The following RORA variants were observed in gnomAD, a reference collection of about 807,000 sequenced individuals.
The protein encoded by RORA is nuclear receptor ROR-alpha.
RORA carries 7 observed loss-of-function variants against 69.5 expected under a neutral mutation model. That is an observed-to-expected ratio of 0.10 (90% confidence interval 0.06 to 0.19). The LOEUF (loss-of-function observed/expected upper bound fraction) is 0.19. Ranked by LOEUF, RORA falls within the 10% of genes least tolerant of loss-of-function variation. The pLI is 1.00. For missense variants in RORA, 457 were observed against 663.0 expected (o/e 0.69, Z 3.41); for synonymous variants, 261 against 240.8 (o/e 1.08, Z -0.78).
At chr15:60,945,366 C>T (rs150790932) in intron 1 of RORA, among the ~76,000 whole-genome samples, 6 of 152,244 alleles carry the variant, frequency 3.9e-5, no homozygotes, top group Non-Finnish European at 8.8e-5. Flanking sequence ...GCAAGTGGTG[C>T]CAACTGGCCA....
intron 1 of RORA, among the ~76,000 whole-genome samples, chr15:60,944,232 G>A (rs1245514173): frequency 6.6e-6 from 1 of 152,122 alleles, no homozygotes; most frequent in Non-Finnish European, 1.5e-5. Context: ...TGATGTAACT[G>A]GTCTGAGATG....
chr15:60,525,566 T>G (rs1367841827), intron 3 of RORA, among the ~76,000 whole-genome samples: 1 of 152,256 alleles, frequency 6.6e-6, no homozygotes, highest in African/African-American at 2.4e-5. Flanking sequence ...CCTTGCTGAA[T>G]TCTAATGGCA....
intron 1 of RORA, among the ~76,000 whole-genome samples, chr15:61,048,998 T>C (rs16943568): frequency 0.017 from 2,637 of 152,292 alleles, 72 homozygotes; most frequent in African/African-American, 0.059. Context: ...CTTTAAAAAC[T>C]GAGGCAGTGG....
intron 2 of RORA, among the ~76,000 whole-genome samples, chr15:60,597,012 AT>A (rs2068680844): frequency 6.6e-6 from 1 of 152,148 alleles, no homozygotes. Context: ...AAGGTCACAA[AT>A]CAGCTGACCT....
rs55731630 is a variant in RORA at position 60,562,435 on chromosome 15, G to T, written c.197-30584C>A. On this transcript the variant is annotated intron_variant, in intron 2 of 10. Transcript: ENST00000335670. ...ATTTTTTTTTTGAGGCGGGGTTGGGGGGGGGTTGCTTTTGTTTTGAGACAG... is the reference window on the plus strand; with the variant it reads ...ATTTTTTTTTTGAGGCGGGGTTGGGTGGGGGTTGCTTTTGTTTTGAGACAG... 1.4e-3 allele frequency among the ~76,000 whole-genome samples: 209 copies of T among 148,270 alleles called. 1 individual carries two copies. The highest frequency in any genetic ancestry group is 2.5e-3 in the Non-Finnish European group (165 of 66,860).
intron 2 of RORA, among the ~76,000 whole-genome samples, chr15:60,607,184 G>C (rs932703981): frequency 4.6e-5 from 7 of 152,128 alleles, no homozygotes; most frequent in African/African-American, 1.7e-4. Flanking sequence ...TTTAGCATAG[G>C]GGCAAAGAGC....
intron 2 of RORA, among the ~76,000 whole-genome samples, chr15:60,599,267 C>T (rs189097405): frequency 6.6e-6 from 1 of 152,296 alleles, no homozygotes; most frequent in East Asian, 1.9e-4. Flanking sequence ...TGTAAAAGTA[C>T]AGGCTGGGTG....
chr15:61,176,341 T>G (rs1358330602), intron 1 of RORA: 10 of 152,242 alleles, frequency 6.6e-5, no homozygotes, highest in Admixed American at 5.9e-4. Context: ...TAGTCTCCTG[T>G]GGATCAAAAT....
chr15:60,620,778 G>A (rs564189480), intron 2 of RORA, among the ~76,000 whole-genome samples: 16 of 152,222 alleles, frequency 1.1e-4, no homozygotes, highest in Non-Finnish European at 1.9e-4. Context: ...GTGGCTTTTC[G>A]GGTTAGTCCA....
At chr15:61,178,128 C>T (rs188601955) in intron 1 of RORA, among the ~76,000 whole-genome samples, 7 of 152,204 alleles carry the variant, frequency 4.6e-5, no homozygotes, top group Admixed American at 3.3e-4. Context: ...TTAAAATACT[C>T]GGATTCTAAA....
Position 60,994,154 on chromosome 15 carries a change from C to A in RORA, c.166+234899G>T, listed in dbSNP as rs138788264. Reference sequence around the variant, plus strand: ...AAAGCTACCTCAGATAAACAGAGGTCACTAAGAGTGGTTATCTAAGCTGTG... The same window carrying A: ...AAAGCTACCTCAGATAAACAGAGGTAACTAAGAGTGGTTATCTAAGCTGTG... On this transcript the variant is annotated intron_variant, in intron 1 of 10. Transcript: ENST00000335670. Among the ~76,000 whole-genome samples, 218 of 152,288 alleles carry A rather than the reference C, an allele frequency of 1.4e-3. 2 individuals are homozygous for A. The East Asian group carries it at 0.034, about 23-fold the overall frequency.
chr15:61,179,255 A>G (rs932268782), intron 1 of RORA, among the ~76,000 whole-genome samples: 1 of 152,216 alleles, frequency 6.6e-6, no homozygotes, highest in Non-Finnish European at 1.5e-5. Context: ...AGGTCAAAAC[A>G]ATTTTCATAA....
In RORA at chr15:60,859,651, C is replaced by CTTTTTT. The variant is rs1208480913; in HGVS notation, c.167-180966_167-180965insAAAAAA. On this transcript the variant is annotated intron_variant, in intron 1 of 10. Coordinates refer to ENST00000335670, the MANE Select transcript of RORA (RefSeq NM_134261.3). ...GTTTTTTTTCTTTCTTTCTTTCTTT[C>CTTTTTT]TTTCTTTTTTTTTTTTTTTTAGAGA... is the stretch of plus-strand genomic sequence containing the variant. Among the ~76,000 whole-genome samples the CTTTTTT allele has an allele frequency of 5.8e-4, 56 of 96,446 alleles. 1 individual carries two copies. The highest frequency in any genetic ancestry group is 2.6e-4 in the Admixed American group (2 of 7,782). The allele number at this position is 96,446 out of a possible 152,430, so 63.3% of individuals were successfully genotyped here. A position where few individuals can be genotyped will look rare whatever the true frequency, so the allele number is the denominator to read the frequency against.
At chr15:61,132,425 C>T (rs1685092053) in intron 1 of RORA, among the ~76,000 whole-genome samples, 1 of 152,078 alleles carries the variant, frequency 6.6e-6, no homozygotes. Context: ...TATAATTACC[C>T]TTGACCCGAT....
intron 2 of RORA, among the ~76,000 whole-genome samples, chr15:60,544,539 A>G (rs1193379180): frequency 2.6e-5 from 4 of 151,942 alleles, no homozygotes; most frequent in Non-Finnish European, 4.4e-5. Flanking sequence ...AACGAAGAGA[A>G]TTTTTTTTCA....
chr15:60,686,634 C>T (rs535460133), intron 1 of RORA: 4 of 152,308 alleles, frequency 2.6e-5, no homozygotes, highest in African/African-American at 9.6e-5. Context: ...AGGTAAACAT[C>T]AGCAGCTTAC....
At chr15:60,834,242 G>A (rs2073085101) in intron 1 of RORA, among the ~76,000 whole-genome samples, 1 of 152,218 alleles carries the variant, frequency 6.6e-6, no homozygotes, top group East Asian at 1.9e-4. Flanking sequence ...CCCCAGTTCA[G>A]GGGCAACCTT....
intron 1 of RORA, among the ~76,000 whole-genome samples, chr15:61,168,209 CGTGCGTGCGTGTGTGTGTGTGT>C (rs1200820137): frequency 0.011 from 1,652 of 149,294 alleles, 24 homozygotes; most frequent in African/African-American, 0.039. Flanking sequence ...CACGCGCGTG[CGTGCGTGCGTGTGTGTGTGTGT>C]GTGTGTATGT....
chr15:60,558,025 T>C (rs2067417592), intron 2 of RORA: 1 of 384,144 alleles, frequency 2.6e-6, no homozygotes, highest in African/African-American at 2.1e-5. Context: ...GAGCAGGATG[T>C]TTGGCCTCTG....
Sources: gnomAD v4.1 joint callset for allele counts (sites outside exome capture counted in the v4.1 genomes callset) on GRCh38, gnomAD v4.1.1 for gene constraint, MANE v1.5 for transcripts, NCBI Gene and HGNC (gene_info 2026-07-23, HGNC 2026-07-21) for gene names.